Variants in APP observed in about 807,000 individuals in gnomAD.
The protein encoded by APP is amyloid-beta precursor protein.
APP carries 31 observed loss-of-function variants against 101.4 expected under a neutral mutation model. The observed-to-expected ratio is 0.31, with a 90% confidence interval of 0.23 to 0.41. The LOEUF (loss-of-function observed/expected upper bound fraction) is 0.41, where lower values mean the gene tolerates loss of function less well. Among genes scored for constraint, APP ranks in the 10% least tolerant of loss-of-function variants. The pLI, the probability that APP is intolerant of heterozygous loss-of-function variation, is 1.00. For missense variants in APP, 839 were observed against 1,003.7 expected (o/e 0.84, Z 2.22); for synonymous variants, 366 against 364.4 (o/e 1.00, Z -0.05).
chr21:26,026,901 A>C (rs1422841215), intron 5 of APP, among the ~76,000 whole-genome samples: 2 of 152,206 alleles, frequency 1.3e-5, no homozygotes, highest in Non-Finnish European at 2.9e-5. Flanking sequence ...AAATCGCTCT[A>C]AGGGGGACGC....
At chr21:25,931,591 A>T (rs925296480) in intron 13 of APP, among the ~76,000 whole-genome samples, 1 of 152,194 alleles carries the variant, frequency 6.6e-6, no homozygotes, top group African/African-American at 2.4e-5. Context: ...AAATGGCCAA[A>T]AGCATAGCCG....
intron 14 of APP, among the ~76,000 whole-genome samples, chr21:25,907,060 C>T (rs193057973): frequency 2.2e-4 from 34 of 152,206 alleles, no homozygotes; most frequent in Admixed American, 2.0e-3. Context: ...ATGGTTTTTC[C>T]AGGGTTCAAA....
intron 11 of APP, among the ~76,000 whole-genome samples, chr21:25,974,574 T>C (rs914666739): frequency 2.6e-5 from 4 of 152,194 alleles, no homozygotes; most frequent in African/African-American, 9.7e-5. Flanking sequence ...TTAAGTTCTA[T>C]GAACCAGGAA....
chr21:25,883,064 T>A (rs1468010853), intron 17 of APP, among the ~76,000 whole-genome samples: 1 of 152,112 alleles, frequency 6.6e-6, no homozygotes, highest in Non-Finnish European at 1.5e-5. Flanking sequence ...GAGCTAGATA[T>A]GTCATGACTA....
chr21:26,140,434 A>C, intron 1 of APP: 2 of 1,227,288 alleles, frequency 1.6e-6, no homozygotes, highest in Non-Finnish European at 2.2e-6. Flanking sequence ...TAAGCTAACA[A>C]TGGACAACCA....
rs1484120610 is a variant in APP, at chr21:26,032,870, T to C, written c.663-10828A>G. 2.6e-5 allele frequency among the ~76,000 whole-genome samples: 4 copies of C among 151,896 alleles called. No homozygotes were observed. In the South Asian group the frequency reaches 8.3e-4, roughly 32 times the overall value. Reference sequence around the variant, plus strand: ...CTATGCCTAGTAAGTTCCCAACTGCTGACTATAGGCTCAGAGCCCTGCAGA... The same window carrying C: ...CTATGCCTAGTAAGTTCCCAACTGCCGACTATAGGCTCAGAGCCCTGCAGA... On this transcript the variant is annotated intron_variant, in intron 5 of 17. Transcript: ENST00000346798.
chr21:26,140,226 T>C, intron 1 of APP: 10 of 1,536,106 alleles, frequency 6.5e-6, no homozygotes, highest in South Asian at 2.4e-5. Context: ...CTCCAATCAT[T>C]GTCAATTACA....
At chr21:26,150,555 T>C (rs1037157183) in intron 1 of APP, among the ~76,000 whole-genome samples, 5 of 149,398 alleles carry the variant, frequency 3.3e-5, no homozygotes, top group Non-Finnish European at 5.9e-5. Context: ...TTTTTCTTCA[T>C]AGCACTGACC....
chr21:26,065,788 G>C (rs1237448565), intron 3 of APP, among the ~76,000 whole-genome samples: 4 of 152,148 alleles, frequency 2.6e-5, no homozygotes, highest in African/African-American at 9.7e-5. Context: ...TGCACTATTA[G>C]TCATATCTTG....
intron 3 of APP, among the ~76,000 whole-genome samples, chr21:26,084,376 T>C (rs891482998): frequency 2.5e-4 from 6 of 23,724 alleles, no homozygotes; most frequent in African/African-American, 3.7e-4. Flanking sequence ...GTAGCTGGGA[T>C]TACAGGCGCC....
intron 1 of APP, among the ~76,000 whole-genome samples, chr21:26,169,663 C>A (rs2063696831): frequency 6.6e-6 from 1 of 152,238 alleles, no homozygotes; most frequent in Admixed American, 6.5e-5. Flanking sequence ...CAGGCGGACG[C>A]GCAGCCCCGG....
At chr21:25,952,515 T>A (rs1242175377) in intron 13 of APP, among the ~76,000 whole-genome samples, 1 of 152,184 alleles carries the variant, frequency 6.6e-6, no homozygotes, top group Non-Finnish European at 1.5e-5. Context: ...TGAACCACCA[T>A]CTGTTCTGTG....
intron 9 of APP, among the ~76,000 whole-genome samples, chr21:25,977,258 C>G (rs1464673692): frequency 1.3e-5 from 2 of 152,236 alleles, no homozygotes; most frequent in Non-Finnish European, 2.9e-5. Flanking sequence ...CTACCACCTA[C>G]AGCTGCCTTT....
chr21:26,002,954 T>G (rs1293842931), intron 6 of APP, among the ~76,000 whole-genome samples: 1 of 152,188 alleles, frequency 6.6e-6, no homozygotes, highest in East Asian at 1.9e-4. Flanking sequence ...AAAAGAATGA[T>G]GATCGAAGGA....
rs2042456985 is a variant in APP at position 25,982,162 on chromosome 21, C to T, written c.1224+182G>A. ...CAACTATACCTGGATCCTTCCTAGG[C>T]AGCATGTTCACGGAGGATGCAAAAA... On this transcript the variant is annotated intron_variant, in intron 9 of 17. Coordinates refer to ENST00000346798, the MANE Select transcript of APP (RefSeq NM_000484.4). 2.0e-5 allele frequency among the ~76,000 whole-genome samples: 3 copies of T among 152,186 alleles called. No individual in the cohort carries two copies. In the South Asian group the frequency reaches 6.2e-4, roughly 31 times the overall value.
chr21:25,956,063 T>A lies in APP; in HGVS notation c.1459-308A>T, dbSNP rs373272371. 6.6e-5 allele frequency among the ~76,000 whole-genome samples: 10 copies of A among 152,362 alleles called. No individual in the cohort carries two copies. The East Asian group carries it at 1.2e-3, about 18-fold the overall frequency. ...ATAGAAAGAGAACAGATTTGAGGTC[T>A]GTCAGGTTAAGTTAGGTCCTTCTCT... is the stretch of plus-strand genomic sequence containing the variant. On this transcript the variant is annotated intron_variant, in intron 11 of 17. Transcript: ENST00000346798.
At chr21:25,904,704 G>GTA (rs2038693214) in intron 15 of APP, among the ~76,000 whole-genome samples, 1 of 151,324 alleles carries the variant, frequency 6.6e-6, no homozygotes, top group Non-Finnish European at 1.5e-5. Context: ...AGGACAGGCT[G>GTA]TATATAATCG....
At chr21:25,994,044 A>T (rs1353035834) in intron 8 of APP, among the ~76,000 whole-genome samples, 1 of 152,224 alleles carries the variant, frequency 6.6e-6, no homozygotes, top group East Asian at 1.9e-4. Context: ...CTGACTAAAA[A>T]TTGGCATGAT....
chr21:25,905,188 T>C, intron 14 of APP, 111 bp from the exon 15 acceptor site: 2 of 910,728 alleles, frequency 2.2e-6, no homozygotes. Context: ...ATAAACAAGT[T>C]ACAAAAAAGG....
Sources: gnomAD v4.1 joint callset for allele counts (sites outside exome capture counted in the v4.1 genomes callset) on GRCh38, gnomAD v4.1.1 for gene constraint, MANE v1.5 for transcripts, NCBI Gene and HGNC (gene_info 2026-07-23, HGNC 2026-07-21) for gene names.